Variants in CDH12 observed in about 807,000 individuals in gnomAD.
CDH12 encodes the protein cadherin-12.
Under a neutral mutation model 74.1 loss-of-function variants are expected in CDH12, and 41 were observed. The ratio of observed to expected loss-of-function variants is 0.55; its 90% CI spans 0.43 to 0.72. CDH12 has a LOEUF of 0.72. Ranked by LOEUF, CDH12 falls within the 30% of genes least tolerant of loss-of-function variation. CDH12 has a pLI of 0.00. For synonymous variants in CDH12, 399 were observed against 355.0 expected, an observed-to-expected ratio of 1.12 and a Z score of -1.39; for missense variants, 945 against 977.2, an observed-to-expected ratio of 0.97 and a Z score of 0.44.
intron 5 of CDH12, among the ~76,000 whole-genome samples, chr5:21,977,882 T>A (rs1168657614): frequency 2.0e-5 from 3 of 152,188 alleles, no homozygotes; most frequent in Non-Finnish European, 4.4e-5. Flanking sequence ...GTTTATTACA[T>A]GATAATACCT....
intron 3 of CDH12, among the ~76,000 whole-genome samples, chr5:22,293,414 T>C (rs1737487351): frequency 6.6e-6 from 1 of 152,148 alleles, no homozygotes; most frequent in African/African-American, 2.4e-5. Flanking sequence ...TTTCCAACAC[T>C]TAAAAAAAAT....
intron 10 of CDH12, among the ~76,000 whole-genome samples, chr5:21,789,170 A>G (rs1272110671): frequency 6.6e-6 from 1 of 152,174 alleles, no homozygotes; most frequent in Admixed American, 6.6e-5. Context: ...TGTATGTATT[A>G]TATATGTTAC....
intron 1 of CDH12, among the ~76,000 whole-genome samples, chr5:22,833,686 ATTCTT>A (rs1368607949): frequency 7.9e-5 from 12 of 152,188 alleles, no homozygotes; most frequent in African/African-American, 2.9e-4. Flanking sequence ...GTCGGAATAT[ATTCTT>A]TTCTTTTAGG....
intron 1 of CDH12, among the ~76,000 whole-genome samples, chr5:22,601,236 C>T (rs185788595): frequency 1.1e-3 from 171 of 151,958 alleles, no homozygotes; most frequent in African/African-American, 4.0e-3. Flanking sequence ...ATACAGGTAA[C>T]TCATGTCATG....
chr5:22,598,126 G>A (rs1381527062), intron 1 of CDH12, among the ~76,000 whole-genome samples: 1 of 152,130 alleles, frequency 6.6e-6, no homozygotes, highest in African/African-American at 2.4e-5. Flanking sequence ...TAAGTGCTCA[G>A]ATGATGTAAT....
At chr5:21,763,123 C>T (rs370931814) in intron 12 of CDH12, among the ~76,000 whole-genome samples, 5 of 152,046 alleles carry the variant, frequency 3.3e-5, no homozygotes, top group Admixed American at 6.6e-5. Flanking sequence ...CCAAAATTAA[C>T]GATGCAGATT....
At chr5:22,402,655 T>C (rs1463265956) in intron 3 of CDH12, among the ~76,000 whole-genome samples, 2 of 152,194 alleles carry the variant, frequency 1.3e-5, no homozygotes, top group Non-Finnish European at 2.9e-5. Context: ...GGAAGATTCT[T>C]AGCATATCTA....
intron 5 of CDH12, among the ~76,000 whole-genome samples, chr5:21,990,833 G>T (rs1757711614): frequency 6.6e-6 from 1 of 151,668 alleles, no homozygotes; most frequent in African/African-American, 2.4e-5. Flanking sequence ...AAAATATTCA[G>T]AGCAGAGATT....
chr5:21,798,589 G>A (rs1225981134), intron 10 of CDH12, among the ~76,000 whole-genome samples: 1 of 152,030 alleles, frequency 6.6e-6, no homozygotes, highest in African/African-American at 2.4e-5. Context: ...ATGATATATG[G>A]ATAGGCTTTG....
chr5:22,097,372 T>C (rs1157587622), intron 4 of CDH12, among the ~76,000 whole-genome samples: 7 of 152,078 alleles, frequency 4.6e-5, no homozygotes. Flanking sequence ...ATGCTGAGCT[T>C]CAAGTAACTC....
At chr5:21,883,425 G>A in intron 6 of CDH12, 1 of 1,585,408 alleles carries the variant, frequency 6.3e-7, no homozygotes, top group Non-Finnish European at 8.7e-7. Flanking sequence ...TGAAGATGTT[G>A]ATGGAGAAGC....
chr5:22,184,872 T>A (rs893768483), intron 4 of CDH12, among the ~76,000 whole-genome samples: 1 of 152,124 alleles, frequency 6.6e-6, no homozygotes, highest in African/African-American at 2.4e-5. Context: ...AACTTTTAAG[T>A]TCAAGGGTGA....
intron 2 of CDH12, among the ~76,000 whole-genome samples, chr5:22,437,112 A>G (rs1744429686): frequency 6.6e-6 from 1 of 152,074 alleles, no homozygotes. Context: ...CAGAAAGAAA[A>G]TATTTTCCAT....
chr5:22,802,622 G>A (rs1168979513), intron 1 of CDH12, among the ~76,000 whole-genome samples: 3 of 151,946 alleles, frequency 2.0e-5, no homozygotes, highest in East Asian at 1.9e-4. Flanking sequence ...TTGCCAGGTC[G>A]AGGCTTGTAT....
chr5:22,233,952 C>T (rs1752476735), intron 3 of CDH12, among the ~76,000 whole-genome samples: 1 of 152,048 alleles, frequency 6.6e-6, no homozygotes, highest in Non-Finnish European at 1.5e-5. Flanking sequence ...TTATTATTAA[C>T]TTATTATTAT....
intron 1 of CDH12, among the ~76,000 whole-genome samples, chr5:22,836,993 C>T (rs1288711598): frequency 6.6e-6 from 1 of 152,130 alleles, no homozygotes; most frequent in Non-Finnish European, 1.5e-5. Flanking sequence ...GAACTTTGTT[C>T]TTTTCAATAC....
chr5:22,176,110 A>T (rs1192291217), intron 4 of CDH12, among the ~76,000 whole-genome samples: 1 of 152,100 alleles, frequency 6.6e-6, no homozygotes, highest in Non-Finnish European at 1.5e-5. Context: ...CAGTGTATAC[A>T]TTATCTTCAA....
At chr5:22,672,206 C>G (rs1297976913) in intron 1 of CDH12, among the ~76,000 whole-genome samples, 1 of 142,232 alleles carries the variant, frequency 7.0e-6, no homozygotes, top group African/African-American at 2.6e-5. Context: ...CTCTTTGTCT[C>G]CCAACAAACA....
intron 1 of CDH12, among the ~76,000 whole-genome samples, chr5:22,843,613 G>GGTGTGT (rs3050972): frequency 0.014 from 2,133 of 147,874 alleles, 35 homozygotes; most frequent in African/African-American, 0.042. Context: ...TAACATTTGT[G>GGTGTGT]GTGTGTGTGT....
Sources: gnomAD v4.1 joint callset for allele counts (sites outside exome capture counted in the v4.1 genomes callset) on GRCh38, gnomAD v4.1.1 for gene constraint, MANE v1.5 for transcripts, NCBI Gene and HGNC (gene_info 2026-07-23, HGNC 2026-07-21) for gene names.